Variants in ESR1 observed in about 807,000 individuals in gnomAD.
The protein encoded by ESR1 is estrogen receptor 1, also known as estrogen receptor.
In ESR1, 12 loss-of-function variants were observed where a neutral mutation model predicts 52.7. The ratio of observed to expected loss-of-function variants is 0.23; its 90% CI spans 0.15 to 0.37. ESR1 has a LOEUF of 0.37. Ranked by LOEUF, ESR1 falls within the 10% of genes least tolerant of loss-of-function variation. The pLI, the probability that ESR1 is intolerant of heterozygous loss-of-function variation, is 1.00. For synonymous variants in ESR1, 305 were observed against 316.8 expected, an observed-to-expected ratio of 0.96 and a Z score of 0.39; for missense variants, 584 against 779.7, an observed-to-expected ratio of 0.75 and a Z score of 2.99.
chr6:151,870,644 A>G (rs1790780163), intron 2 of ESR1, among the ~76,000 whole-genome samples: 2 of 152,176 alleles, frequency 1.3e-5, no homozygotes, highest in Admixed American at 1.3e-4. Context: ...AACTAGGGTA[A>G]TCTAACTCAT....
At chr6:152,033,103 A>C (rs1196972499) in intron 5 of ESR1, among the ~76,000 whole-genome samples, 2 of 152,150 alleles carry the variant, frequency 1.3e-5, no homozygotes, top group Admixed American at 6.5e-5. Flanking sequence ...GAAAGCTGAA[A>C]CTGGATCCCT....
chr6:151,858,581 G>GTT (rs11354030), intron 2 of ESR1, among the ~76,000 whole-genome samples: 7 of 134,056 alleles, frequency 5.2e-5, no homozygotes, highest in Admixed American at 1.5e-4. Context: ...ATCCGTTCCT[G>GTT]TTTTTTTTTT....
At chr6:151,821,452 A>G (rs919557577) in intron 1 of ESR1, among the ~76,000 whole-genome samples, 1 of 152,298 alleles carries the variant, frequency 6.6e-6, no homozygotes, top group Admixed American at 6.5e-5. Flanking sequence ...ACTTCCATTT[A>G]GATTATTTAC....
Position 151,790,606 on chromosome 6 carries a change from T to C in ESR1, c.-70-17237T>C, listed in dbSNP as rs1445414331. On this transcript the variant is annotated intron_variant, in intron 2 of 2. Coordinates refer to the ESR1 transcript ENST00000404742. ...TGCTTTTTTTTTTTTTAATCCCACA[T>C]GGTGACCTTAGACTTTACTTTGGAA... is the stretch of plus-strand genomic sequence containing the variant. Among the ~76,000 whole-genome samples the C allele has an allele frequency of 4.0e-5, 6 of 151,606 alleles. No individual in the cohort carries two copies. In the East Asian group the frequency reaches 1.2e-3, roughly 29 times the overall value.
chr6:151,713,761 A>G (rs923548972), intron 2 of ESR1, among the ~76,000 whole-genome samples: 1 of 151,806 alleles, frequency 6.6e-6, no homozygotes, highest in African/African-American at 2.4e-5. Flanking sequence ...CAGTCTATCT[A>G]TTTTGTTAAT....
intron 3 of ESR1, among the ~76,000 whole-genome samples, chr6:151,940,900 A>T (rs1262007760): frequency 4.6e-5 from 7 of 152,204 alleles, no homozygotes. Flanking sequence ...ACTTTGATAA[A>T]ATATTTTTGA....
At chr6:151,744,204 G>A (rs1438940233) in intron 2 of ESR1, among the ~76,000 whole-genome samples, 1 of 152,100 alleles carries the variant, frequency 6.6e-6, no homozygotes, top group Non-Finnish European at 1.5e-5. Flanking sequence ...GTTTCTGTAT[G>A]CATGCATGTT....
intron 2 of ESR1, among the ~76,000 whole-genome samples, chr6:151,853,288 A>C (rs1787221769): frequency 6.6e-6 from 1 of 152,024 alleles, no homozygotes; most frequent in African/African-American, 2.4e-5. Flanking sequence ...GTGTTTGGCT[A>C]CTGTTTCTCA....
At chr6:151,719,817 C>T (rs1017962361) in intron 2 of ESR1, among the ~76,000 whole-genome samples, 1 of 152,030 alleles carries the variant, frequency 6.6e-6, no homozygotes, top group South Asian at 2.1e-4. Context: ...GTAAAGGAGC[C>T]GCAGAAAATT....
chr6:152,093,343 T>A (rs2050346841), intron 6 of ESR1, among the ~76,000 whole-genome samples: 1 of 141,532 alleles, frequency 7.1e-6, no homozygotes. Context: ...TCTCTCTCTC[T>A]CTCTCTCTCT....
At chr6:151,795,487 C>CA (rs61142527) in intron 2 of ESR1, among the ~76,000 whole-genome samples, 6,117 of 82,888 alleles carry the variant, frequency 0.074, 355 homozygotes, top group African/African-American at 0.16. Flanking sequence ...GACTCCATCT[C>CA]AAAAAAAAAA....
chr6:151,727,191 T>C (rs1406304973), intron 2 of ESR1, among the ~76,000 whole-genome samples: 1 of 152,062 alleles, frequency 6.6e-6, no homozygotes, highest in African/African-American at 2.4e-5. Flanking sequence ...GTGAATTGCA[T>C]TCATTAATTT....
chr6:151,719,283 G>A (rs1781278887), intron 2 of ESR1, among the ~76,000 whole-genome samples: 1 of 152,138 alleles, frequency 6.6e-6, no homozygotes, highest in African/African-American at 2.4e-5. Flanking sequence ...GTCAAAAGGT[G>A]GTAAATGCTA....
intron 1 of ESR1, among the ~76,000 whole-genome samples, chr6:151,701,212 T>TTA: frequency 2.3e-5 from 1 of 43,968 alleles, no homozygotes; most frequent in South Asian, 3.8e-4. Context: ...GGGCTGGGAG[T>TTA]TTTTTTTTTT....
At chr6:151,811,594 T>G (rs1459903750) in intron 1 of ESR1, among the ~76,000 whole-genome samples, 1 of 152,196 alleles carries the variant, frequency 6.6e-6, no homozygotes, top group Admixed American at 6.5e-5. Context: ...CCACTGGTGA[T>G]CATTTGAAAC....
chr6:152,059,759 A>C (rs1163698567), intron 5 of ESR1, among the ~76,000 whole-genome samples: 1 of 152,212 alleles, frequency 6.6e-6, no homozygotes, highest in Non-Finnish European at 1.5e-5. Flanking sequence ...AGACATAAAC[A>C]TAAGGATAGT....
chr6:151,959,181 G>A (rs2037367245), intron 4 of ESR1, among the ~76,000 whole-genome samples: 1 of 152,144 alleles, frequency 6.6e-6, no homozygotes, highest in African/African-American at 2.4e-5. Flanking sequence ...TCAAGACTAA[G>A]TATTTAGCAG....
intron 6 of ESR1, among the ~76,000 whole-genome samples, chr6:152,075,139 G>C (rs1437758561): frequency 1.3e-5 from 2 of 152,232 alleles, no homozygotes; most frequent in Non-Finnish European, 2.9e-5. Flanking sequence ...TAGGTGCACA[G>C]GGTAGTGAGG....
rs747242841 is a variant in ESR1 at position 152,011,780 on chromosome 6, C to T, written c.1221C>T (p.Asn407=). Residue 407 remains asparagine (N), a synonymous_variant, in exon 5 of 8, where the codon AAC becomes AAT. Transcript: ENST00000206249. ...EHPGKLLFAP[N]LLLDRNQGKC... ...CAGGGAAGCTACTGTTTGCTCCTAA[C>T]TTGCTCTTGGACAGGTAAGTGACCT... 5 of 1,613,064 alleles carry T rather than the reference C, an allele frequency of 3.1e-6. No homozygotes were observed. In the East Asian group the frequency reaches 8.9e-5, roughly 29 times the overall value.
Sources: allele counts gnomAD v4.1 joint callset (sites outside exome capture counted in the v4.1 genomes callset), GRCh38; gene constraint gnomAD v4.1.1; transcripts MANE v1.5; gene names NCBI Gene and HGNC (gene_info 2026-07-23, HGNC 2026-07-21).